The following VOPP1 variants were observed in gnomAD, a reference collection of about 807,000 sequenced individuals.
VOPP1 encodes VOPP1 WW domain binding protein.
VOPP1 carries 8 observed loss-of-function variants against 23.5 expected under a neutral mutation model. The ratio of observed to expected loss-of-function variants is 0.34; its 90% CI spans 0.20 to 0.61. VOPP1 has a LOEUF of 0.61. Ranked by LOEUF, VOPP1 falls within the 20% of genes least tolerant of loss-of-function variation. The pLI is 0.78. For synonymous variants in VOPP1, 83 were observed against 97.3 expected (o/e 0.85, Z 0.86); for missense variants, 174 against 238.1 (o/e 0.73, Z 1.77).
intron 2 of VOPP1, among the ~76,000 whole-genome samples, chr7:55,505,664 AGGGAGGGAGGGAGGGAGGGAGGG>A (rs1794671207): frequency 5.0e-4 from 1 of 2,018 alleles, no homozygotes; most frequent in African/African-American, 8.3e-4. Flanking sequence ...GGAGGGAGGG[AGGGAGGGAGGGAGGGAGGGAGGG>A]AGGGAGGGAG....
chr7:55,449,967 G>A (rs1791202811), intron 4 of VOPP1, among the ~76,000 whole-genome samples: 1 of 152,210 alleles, frequency 6.6e-6, no homozygotes, highest in Non-Finnish European at 1.5e-5. Context: ...CACCCAGGTG[G>A]TCAGCAGACC....
intron 1 of VOPP1, among the ~76,000 whole-genome samples, chr7:55,552,340 C>T (rs1421141999): frequency 1.3e-5 from 2 of 152,326 alleles, no homozygotes; most frequent in East Asian, 1.9e-4. Context: ...CTCAGACTAT[C>T]GCAAAATGCT....
intron 4 of VOPP1, among the ~76,000 whole-genome samples, chr7:55,483,931 A>G (rs1792933080): frequency 6.6e-6 from 1 of 151,926 alleles, no homozygotes; most frequent in East Asian, 1.9e-4. Context: ...TAATTTTTGT[A>G]TTTTTAGTAG....
intron 4 of VOPP1, among the ~76,000 whole-genome samples, chr7:55,474,023 T>C (rs908413108): frequency 2.0e-5 from 3 of 152,210 alleles, no homozygotes; most frequent in African/African-American, 7.2e-5. Flanking sequence ...AGTCAGACCA[T>C]GGGAATCTGC....
At chr7:55,559,504 T>G (rs1440039570) in intron 1 of VOPP1, among the ~76,000 whole-genome samples, 5 of 152,160 alleles carry the variant, frequency 3.3e-5, no homozygotes, top group Non-Finnish European at 5.9e-5. Flanking sequence ...CCAGCTCCTT[T>G]TCTGCCAGGA....
chr7:55,437,280 C>T (rs920228027), intron 4 of VOPP1, among the ~76,000 whole-genome samples: 2 of 152,198 alleles, frequency 1.3e-5, no homozygotes, highest in African/African-American at 4.8e-5. Context: ...GTAAGGAGGG[C>T]TGGGAGCATC....
intron 1 of VOPP1, among the ~76,000 whole-genome samples, chr7:55,559,402 C>T (rs922406812): frequency 9.2e-5 from 14 of 152,186 alleles, no homozygotes; most frequent in African/African-American, 3.1e-4. Flanking sequence ...AGCCGCTGAC[C>T]GTGCCATTGG....
intron 4 of VOPP1, among the ~76,000 whole-genome samples, chr7:55,463,459 A>T (rs142441493): frequency 6.6e-4 from 100 of 152,216 alleles, no homozygotes; most frequent in African/African-American, 2.2e-3. Context: ...AGATGTATCT[A>T]TTGTATTGGT....
chr7:55,487,662 C>G (rs936293814), intron 4 of VOPP1, among the ~76,000 whole-genome samples: 4 of 152,238 alleles, frequency 2.6e-5, no homozygotes, highest in Admixed American at 1.3e-4. Flanking sequence ...ATCCAATGCT[C>G]TCTTCCCTAA....
At chr7:55,541,215 A>G (rs1275030105) in intron 1 of VOPP1, among the ~76,000 whole-genome samples, 1 of 152,198 alleles carries the variant, frequency 6.6e-6, no homozygotes, top group Admixed American at 6.5e-5. Context: ...TATATGAAAA[A>G]CTTCAGAATT....
At chr7:55,478,717 T>A (rs1260403531) in intron 4 of VOPP1, among the ~76,000 whole-genome samples, 2 of 152,264 alleles carry the variant, frequency 1.3e-5, no homozygotes, top group African/African-American at 4.8e-5. Flanking sequence ...CAGGGTCCCA[T>A]GACATGCTAA....
rs534249012 is a variant in VOPP1, at chr7:55,522,290, G to A, written c.55-1160C>T. On this transcript the variant is annotated intron_variant, in intron 1 of 4. Coordinates refer to ENST00000285279, the MANE Select transcript of VOPP1 (RefSeq NM_030796.5). ...AACGTCACGCCAGTGACATTCGATG[G>A]GTTATGAAAATGACATGAACCCCTG... Among the ~76,000 whole-genome samples, 9 of 152,296 alleles carry A rather than the reference G, an allele frequency of 5.9e-5. No homozygotes were observed. The South Asian group carries it at 1.9e-3, about 32-fold the overall frequency.
intron 2 of VOPP1, among the ~76,000 whole-genome samples, chr7:55,502,478 G>A (rs938210415): frequency 3.3e-5 from 5 of 152,184 alleles, no homozygotes; most frequent in South Asian, 2.1e-4. Flanking sequence ...CATCTGCGGC[G>A]CTGGCCCGGC....
chr7:55,483,301 G>T (rs1005455336), intron 4 of VOPP1, among the ~76,000 whole-genome samples: 8 of 152,148 alleles, frequency 5.3e-5, no homozygotes, highest in African/African-American at 1.7e-4. Flanking sequence ...AGGCTCCAGG[G>T]ACCATGCATG....
At chr7:55,504,290 T>C (rs1794564003) in intron 2 of VOPP1, among the ~76,000 whole-genome samples, 2 of 152,196 alleles carry the variant, frequency 1.3e-5, no homozygotes, top group Admixed American at 1.3e-4. Flanking sequence ...CAGCACATAC[T>C]TGAAGGAGGC....
chr7:55,569,387 GTTTC>G (rs1798273374), intron 1 of VOPP1, among the ~76,000 whole-genome samples: 1 of 152,174 alleles, frequency 6.6e-6, no homozygotes. Context: ...GGGTGACTGA[GTTTC>G]TAAGGGGAAT....
At chr7:55,481,661 T>G (rs1792721276) in intron 4 of VOPP1, among the ~76,000 whole-genome samples, 1 of 152,180 alleles carries the variant, frequency 6.6e-6, no homozygotes, top group African/African-American at 2.4e-5. Context: ...GAGCATGCAT[T>G]TGTTCATTTA....
At chr7:55,527,307 T>G (rs1243722241) in intron 1 of VOPP1, among the ~76,000 whole-genome samples, 1 of 152,168 alleles carries the variant, frequency 6.6e-6, no homozygotes. Flanking sequence ...TTTTTAGAGA[T>G]GAGAGTATGA....
At chr7:55,499,585 A>G (rs527969782) in intron 2 of VOPP1, among the ~76,000 whole-genome samples, 7 of 152,358 alleles carry the variant, frequency 4.6e-5, no homozygotes, top group Admixed American at 6.5e-5. Flanking sequence ...TTAGACAGTA[A>G]TAAGTTCTTC....
Sources: allele counts gnomAD v4.1 joint callset (sites outside exome capture counted in the v4.1 genomes callset), GRCh38; gene constraint gnomAD v4.1.1; transcripts MANE v1.5; gene names NCBI Gene and HGNC (gene_info 2026-07-23, HGNC 2026-07-21).